The following UGT1A3 variants were observed in gnomAD, a reference collection of about 807,000 sequenced individuals.
UGT1A3 encodes UDP glucuronosyltransferase family 1 member A3.
In UGT1A3, 31 loss-of-function variants were observed where a neutral mutation model predicts 41.0. The observed-to-expected ratio is 0.76, with a 90% CI of 0.57 to 1.02. The LOEUF is 1.02. Among genes scored for constraint, UGT1A3 ranks in the 50% least tolerant of loss-of-function variants. UGT1A3 has a pLI of 0.00. For synonymous variants in UGT1A3, 262 were observed against 257.6 expected (o/e 1.02, Z -0.17); for missense variants, 737 against 671.0 (o/e 1.10, Z -1.09).
rs939644938 is a variant in UGT1A3 at position 233,772,877 on chromosome 2, G to A, written c.*318G>A. On this transcript the variant is annotated 3_prime_UTR_variant, in exon 5 of 5. Coordinates refer to ENST00000482026, the MANE Select transcript of UGT1A3 (RefSeq NM_019093.4). Reference sequence around the variant, plus strand: ...TGAAACATGGCCTGTTTGGGAGTGCGGGATTCAAAGGTGGTCCCACGGCTG... The same window carrying A: ...TGAAACATGGCCTGTTTGGGAGTGCAGGATTCAAAGGTGGTCCCACGGCTG... 4.0e-5 allele frequency: 23 copies of A among 579,274 alleles called. No individual in the cohort carries two copies. The highest frequency in any genetic ancestry group is 3.1e-4 in the East Asian group (6 of 19,490). The allele number at this position is 579,274 out of a possible 1,614,324, so 35.9% of individuals were successfully genotyped here. A position where few individuals can be genotyped will look rare whatever the true frequency, so the allele number is the denominator to read the frequency against.
chr2:233,769,313 C>G lies in UGT1A3; in HGVS notation c.1307+874C>G, dbSNP rs1699834198. 6.6e-6 allele frequency among the ~76,000 whole-genome samples: 1 copy of G among 152,226 alleles called. No homozygotes were observed. Among genetic ancestry groups the G allele is most frequent in the Admixed American group, 6.5e-5 (1 of 15,282 alleles). ...TTAAAGTTAGTATATTACTGTCAAG[C>G]TCACTGGTAATAGGCTTATTAGAAC... is the stretch of plus-strand genomic sequence containing the variant. On this transcript the variant is annotated intron_variant, in intron 4 of 4. Coordinates refer to ENST00000482026, the MANE Select transcript of UGT1A3 (RefSeq NM_019093.4). This position sits in a 1 kb window ranked among gnomAD's most constrained non-coding sequence, Gnocchi z 4.4.
Position 233,729,404 on chromosome 2 carries a change from T to C in UGT1A3, c.278T>C (p.Val93Ala), listed in dbSNP as rs2077851412. Reference sequence around the variant, plus strand: ...ACCCAGGATGAATTTGATCGCCATGTGCTGGGCCACACTCAACTGTACTTT... The same window carrying C: ...ACCCAGGATGAATTTGATCGCCATGCGCTGGGCCACACTCAACTGTACTTT... ...SWTQDEFDRHVLGHTQLYFET... is the reference protein window; with the variant it reads ...SWTQDEFDRHALGHTQLYFET... Residue 93 changes from valine to alanine, a missense_variant, in exon 1 of 5, where the codon GTG (valine) becomes GCG (alanine). Coordinates refer to ENST00000482026, the MANE Select transcript of UGT1A3 (RefSeq NM_019093.4). 6.2e-7 allele frequency: 1 copy of C among 1,613,884 alleles called. No individual in the cohort carries two copies. The highest frequency in any genetic ancestry group is 2.2e-5 in the East Asian group (1 of 44,884).
intron 1 of UGT1A3, chr2:233,760,705 C>T: frequency 1.2e-6 from 2 of 1,614,220 alleles, no homozygotes; most frequent in Non-Finnish European, 1.7e-6. Flanking sequence ...CATGGCCTCC[C>T]TGGCAGAAAG....
chr2:233,738,483 T>C (rs1690800032), intron 1 of UGT1A3, among the ~76,000 whole-genome samples: 1 of 152,200 alleles, frequency 6.6e-6, no homozygotes, highest in African/African-American at 2.4e-5. Flanking sequence ...CCTGGAGACT[T>C]GTTGAACGGT....
intron 1 of UGT1A3, among the ~76,000 whole-genome samples, chr2:233,766,364 G>C (rs1381103193): frequency 6.6e-6 from 1 of 152,144 alleles, no homozygotes; most frequent in Non-Finnish European, 1.5e-5. Flanking sequence ...GTGCCTGTTG[G>C]TGAGTTCTTC....
chr2:233,739,790 G>A (rs1360143620), intron 1 of UGT1A3, among the ~76,000 whole-genome samples: 4 of 152,122 alleles, frequency 2.6e-5, no homozygotes, highest in Admixed American at 2.6e-4. Context: ...GACTTTGGAG[G>A]ACAGTTGGGA....
Position 233,769,613 on chromosome 2 carries a change from C to A in UGT1A3, c.1307+1174C>A. 6 of 1,612,708 alleles carry A rather than the reference C, an allele frequency of 3.7e-6. No individual in the cohort carries two copies. Among genetic ancestry groups the A allele is most frequent in the Non-Finnish European group, 5.1e-6 (6 of 1,179,824 alleles). Reference sequence around the variant, plus strand: ...GAGACGGAACACGGGGACACACCAGCTTGAGCAAGGGACAACAGGGGAGGA... The same window carrying A: ...GAGACGGAACACGGGGACACACCAGATTGAGCAAGGGACAACAGGGGAGGA... On this transcript the variant is annotated intron_variant, in intron 4 of 4. Transcript: ENST00000482026. The surrounding 1 kb of genome is among the most constrained non-coding windows in gnomAD (Gnocchi z 4.4).
At chr2:233,743,706 C>A in intron 1 of UGT1A3, 1 of 1,367,368 alleles carries the variant, frequency 7.3e-7, no homozygotes, top group Non-Finnish European at 9.8e-7. Context: ...TCCGCCCCCG[C>A]CTCGCCATAG....
At chr2:233,730,892 ACTC>A (rs1261196505) in intron 1 of UGT1A3, among the ~76,000 whole-genome samples, 1 of 151,952 alleles carries the variant, frequency 6.6e-6, no homozygotes, top group African/African-American at 2.4e-5. Context: ...AGTGGGATCT[ACTC>A]CTTTACCAAA....
chr2:233,729,069 G>A lies in UGT1A3; in HGVS notation c.-58G>A, dbSNP rs983244934. 166 of 1,611,318 alleles carry A rather than the reference G, an allele frequency of 1.0e-4. No individual in the cohort carries two copies. The highest frequency in any genetic ancestry group is 1.2e-4 in the Non-Finnish European group (142 of 1,179,440). On this transcript the variant is annotated 5_prime_UTR_variant, in exon 1 of 5. Coordinates refer to ENST00000482026, the MANE Select transcript of UGT1A3 (RefSeq NM_019093.4). Reference sequence around the variant, plus strand: ...TGACAAGGTAATTAAGATGAAGAAAGCAAATGTAGCAGGCACAGCGTGGGG... The same window carrying A: ...TGACAAGGTAATTAAGATGAAGAAAACAAATGTAGCAGGCACAGCGTGGGG...
At chr2:233,743,204 C>T (rs187896113) in intron 1 of UGT1A3, 20 of 388,964 alleles carry the variant, frequency 5.1e-5, no homozygotes, top group East Asian at 2.2e-4. Context: ...GGTGTCAATG[C>T]GGAGTAACTG....
chr2:233,761,076 T>A, intron 1 of UGT1A3: 4 of 1,614,164 alleles, frequency 2.5e-6, no homozygotes, highest in Non-Finnish European at 3.4e-6. Flanking sequence ...TTGTGAAGGA[T>A]TACCCTAGGC....
chr2:233,744,229 G>C (rs1245532493), intron 1 of UGT1A3, among the ~76,000 whole-genome samples: 2 of 151,826 alleles, frequency 1.3e-5, no homozygotes, highest in Non-Finnish European at 2.9e-5. Flanking sequence ...AAAAGAGAGG[G>C]CCTTGACTTT....
In UGT1A3 at chr2:233,769,485, G is replaced by A; in HGVS notation, c.1307+1046G>A. On this transcript the variant is annotated intron_variant, in intron 4 of 4. Coordinates refer to ENST00000482026, the MANE Select transcript of UGT1A3 (RefSeq NM_019093.4). This position sits in a 1 kb window ranked among gnomAD's most constrained non-coding sequence, Gnocchi z 4.4. ...TATGCGTGTGTGTGTGTGTGCGTGTGTTTATGAGAGTGTCCATTGCTTTCT... is the reference window on the plus strand; with the variant it reads ...TATGCGTGTGTGTGTGTGTGCGTGTATTTATGAGAGTGTCCATTGCTTTCT... 6.2e-7 allele frequency: 1 copy of A among 1,612,612 alleles called. No individual in the cohort carries two copies. Among genetic ancestry groups the A allele is most frequent in the Non-Finnish European group, 8.5e-7 (1 of 1,179,716 alleles).
chr2:233,772,833 T>TTTAC lies in UGT1A3; in HGVS notation c.*274_*275insTTAC. 1.1e-6 allele frequency: 1 copy of TTTAC among 879,514 alleles called. No homozygotes were observed. Among genetic ancestry groups the TTTAC allele is most frequent in the Non-Finnish European group, 1.6e-6 (1 of 630,664 alleles). The allele number at this position is 879,514 out of a possible 1,614,324, so 54.5% of individuals were successfully genotyped here. A position where few individuals can be genotyped will look rare whatever the true frequency, so the allele number is the denominator to read the frequency against. ...AGGACGTGCAGACAGGCTGGCATTC[T>TTTAC]AGATTACTTTTCTTACTCTGAAACA... On this transcript the variant is annotated 3_prime_UTR_variant, in exon 5 of 5. Transcript: ENST00000482026.
intron 1 of UGT1A3, chr2:233,743,508 C>T (rs750114193): frequency 5.1e-6 from 7 of 1,367,284 alleles, no homozygotes; most frequent in East Asian, 9.1e-5. Context: ...GGGGTGCAGA[C>T]GCTCTGCTTC....
intron 1 of UGT1A3, chr2:233,747,180 G>C (rs1336341084): frequency 3.1e-6 from 5 of 1,601,796 alleles, no homozygotes; most frequent in Non-Finnish European, 4.3e-6. Flanking sequence ...CACAGCGTGG[G>C]GTGGACAGTC....
Position 233,767,922 on chromosome 2 carries a change from A to G in UGT1A3, c.1073A>G (p.Gln358Arg), listed in dbSNP as rs72551351. The G allele has an allele frequency of 6.2e-7, 1 of 1,614,240 alleles. No individual in the cohort carries two copies. The highest frequency in any genetic ancestry group is 1.1e-5 in the South Asian group (1 of 91,086). ...ACGATACTTGTTAAGTGGCTACCCC[A>G]AAACGATCTGCTTGGTATGTTGGGC... ...NNTILVKWLP[Q>R]NDLLGHPMTR... Residue 358 changes from glutamine (Q) to arginine (R), a missense_variant, in exon 3 of 5, where the codon CAA (glutamine) becomes CGA (arginine). Physicochemically the swap from Gln to Arg is conservative, Grantham distance 43. Transcript: ENST00000482026.
In UGT1A3 at chr2:233,754,158, G is replaced by A. The variant is rs28900389; in HGVS notation, c.868-12876G>A. 9.6e-3 allele frequency: 1,492 copies of A among 156,116 alleles called. 22 individuals carry two copies. The highest frequency in any genetic ancestry group is 0.034 in the African/African-American group (1,420 of 41,562). 9.7% of individuals were successfully genotyped at this position (156,116 alleles called of 1,614,324 possible). A position where few individuals can be genotyped will look rare whatever the true frequency, so the allele number is the denominator to read the frequency against. On this transcript the variant is annotated intron_variant, in intron 1 of 4. Transcript: ENST00000482026. The stretch of plus-strand genomic sequence containing the variant: ...AAAGCCATCATTAAATTAAGCCAGA[G>A]TATTAATATATTCATAGATTTCACC...
Sources: gnomAD v4.1 joint callset for allele counts (sites outside exome capture counted in the v4.1 genomes callset) on GRCh38, gnomAD v4.1.1 for gene constraint, Gnocchi (gnomAD v3.1) non-coding constraint, MANE v1.5 for transcripts, NCBI Gene and HGNC (gene_info 2026-07-23, HGNC 2026-07-21) for gene names.